Variants in DMP1 observed in about 807,000 individuals in gnomAD.
DMP1 encodes the protein dentin matrix protein 1.
A neutral mutation model predicts 14.6 loss-of-function variants in DMP1; 20 were observed. That is an observed-to-expected ratio of 1.37 (90% CI 0.96 to 1.99). The LOEUF (loss-of-function observed/expected upper bound fraction) is 1.99, where lower values mean the gene tolerates loss of function less well. DMP1 is among the 30% of genes most tolerant of loss of function. The pLI, the probability that DMP1 is intolerant of heterozygous loss-of-function variation, is 0.00. For synonymous variants in DMP1, 197 were observed against 215.3 expected (o/e 0.91, Z 0.75); for missense variants, 567 against 620.5 (o/e 0.91, Z 0.92).
chr4:87,663,279 A>G lies in DMP1; in HGVS notation c.1501A>G (p.Ile501Val), dbSNP rs1341717094. 1 of 1,614,220 alleles carries G rather than the reference A, an allele frequency of 6.2e-7. No homozygotes were observed. The highest frequency in any genetic ancestry group is 8.5e-7 in the Non-Finnish European group (1 of 1,180,022). ...AGTTGATGCCTATCACAACAAACCCATTGGGGACCAAGATGACAATGACTG... is the reference window on the plus strand; with the variant it reads ...AGTTGATGCCTATCACAACAAACCCGTTGGGGACCAAGATGACAATGACTG... ...LTVDAYHNKP[I>V]GDQDDNDCQD... Residue 501 changes from isoleucine to valine, a missense_variant, in exon 6 of 6, where the codon ATT becomes GTT. Ile to Val is a conservative substitution (Grantham distance 29). Transcript: ENST00000339673.
At chr4:87,652,984 AG>A in intron 1 of DMP1, among the ~76,000 whole-genome samples, 1 of 152,286 alleles carries the variant, frequency 6.6e-6, no homozygotes, top group South Asian at 2.1e-4. Context: ...TTTTTTAAAA[AG>A]TTTTGATTGT....
At chr4:87,652,038 TA>T (rs1728541652) in intron 1 of DMP1, among the ~76,000 whole-genome samples, 1 of 152,204 alleles carries the variant, frequency 6.6e-6, no homozygotes, top group Non-Finnish European at 1.5e-5. Flanking sequence ...CTCCACATTC[TA>T]AACATTTGGC....
Position 87,663,412 on chromosome 4 carries a change from C to T in DMP1, c.*92C>T. 6.3e-7 allele frequency: 1 copy of T among 1,583,758 alleles called. No individual in the cohort carries two copies. Among genetic ancestry groups the T allele is most frequent in the South Asian group, 1.1e-5 (1 of 89,700 alleles). On this transcript the variant is annotated 3_prime_UTR_variant, in exon 6 of 6. Transcript: ENST00000339673. The stretch of plus-strand genomic sequence containing the variant: ...AACTATAATTTATTGATGTTTTGAT[C>T]AAAAGAATAACCAGATGCCATATTT...
At position 87,659,246 on chromosome 4, in the gene DMP1, A is replaced by AGT. The variant is rs1380145586; in HGVS notation, c.129_130insGT (p.Pro44ValfsTer45). 1.9e-6 allele frequency: 3 copies of AGT among 1,613,878 alleles called. No individual in the cohort carries two copies. The highest frequency in any genetic ancestry group is 2.5e-6 in the Non-Finnish European group (3 of 1,179,958). On this transcript the variant is annotated frameshift_variant, in exon 4 of 6. Transcript: ENST00000339673. LOFTEE classifies it high-confidence loss of function. ...GTCATTTGGCTCAGGCACCAACACC[A>AGT]CCCTTGGTAACTATCTCATTTACTT...
At chr4:87,660,193 G>T (rs1361812512) in intron 5 of DMP1, among the ~76,000 whole-genome samples, 1 of 152,194 alleles carries the variant, frequency 6.6e-6, no homozygotes, top group Non-Finnish European at 1.5e-5. Flanking sequence ...GTTGGAAGAT[G>T]AATTATTAGC....
At position 87,662,044 on chromosome 4, in the gene DMP1, G is replaced by A. The variant is rs1462772455; in HGVS notation, c.266G>A (p.Gly89Asp). Residue 89 changes from glycine (G) to aspartate (D), a missense_variant, in exon 6 of 6, where the codon GGT becomes GAT. Coordinates refer to ENST00000339673, the MANE Select transcript of DMP1 (RefSeq NM_004407.4). ...DDHQYIYRLA[G>D]GFSRSTGKGG... ...CATCAATACATTTATAGGCTAGCTG[G>A]TGGCTTCTCCAGGAGCACAGGAAAA... 6.2e-7 allele frequency: 1 copy of A among 1,614,116 alleles called. No homozygotes were observed. Among genetic ancestry groups the A allele is most frequent in the African/African-American group, 1.3e-5 (1 of 74,932 alleles).
At chr4:87,661,698 T>C (rs1296473367) in intron 5 of DMP1, among the ~76,000 whole-genome samples, 1 of 150,898 alleles carries the variant, frequency 6.6e-6, no homozygotes, top group Non-Finnish European at 1.5e-5. Context: ...TTGAATTTCA[T>C]AAATGTGATT....
intron 5 of DMP1, 21 bp from the exon 6 acceptor site, chr4:87,661,941 T>C: frequency 6.2e-7 from 1 of 1,614,122 alleles, no homozygotes; most frequent in South Asian, 1.1e-5. Flanking sequence ...ACTGACCATA[T>C]CTGTTAACCC....
At chr4:87,656,645 C>T (rs1728706372) in intron 2 of DMP1, 99 bp downstream of exon 2, 2 of 835,710 alleles carry the variant, frequency 2.4e-6, no homozygotes, top group Admixed American at 1.7e-5. Context: ...ATGTTCCAGT[C>T]CAGTAAAAAT....
rs148543792 is a variant in DMP1, at chr4:87,662,090, C to T, written c.312C>T (p.Asp104=). 7.6e-4 allele frequency: 1,220 copies of T among 1,614,124 alleles called. 1 individual carries two copies. Among genetic ancestry groups the T allele is most frequent in the Middle Eastern group, 9.9e-4 (6 of 6,062 alleles). The change falls in exon 6 of 6, where the codon GAC becomes GAT. Residue 104 remains aspartate (D), a synonymous_variant. Transcript: ENST00000339673. Reference sequence around the variant, plus strand: ...GAAAAGGAGGAGATGATAAAGATGACGATGAAGATGACAGTGGAGATGACA... The same window carrying T: ...GAAAAGGAGGAGATGATAAAGATGATGATGAAGATGACAGTGGAGATGACA... The part of the protein sequence containing the change: ...STGKGGDDKD[D]DEDDSGDDTF...
chr4:87,654,189 A>G (rs941400226), intron 1 of DMP1, among the ~76,000 whole-genome samples: 1 of 152,182 alleles, frequency 6.6e-6, no homozygotes, highest in Non-Finnish European at 1.5e-5. Flanking sequence ...CTTTAAGGCC[A>G]GTTGTTACAC....
In DMP1 at chr4:87,662,297, G is replaced by C. The variant is rs1350578655; in HGVS notation, c.519G>C (p.Arg173=). 1 of 1,614,114 alleles carries C rather than the reference G, an allele frequency of 6.2e-7. No homozygotes were observed. Among genetic ancestry groups the C allele is most frequent in the Non-Finnish European group, 8.5e-7 (1 of 1,180,030 alleles). ...GCAGGGAACTTGACAATGAGGACCG[G>C]GTGGACAGCAAGCCTGAGGGAGGTG... The part of the protein sequence containing the change: ...SESRELDNED[R]VDSKPEGGDS... The change falls in exon 6 of 6, where the codon CGG becomes CGC. Residue 173 remains arginine (R), a synonymous_variant. Transcript: ENST00000339673.
intron 1 of DMP1, among the ~76,000 whole-genome samples, chr4:87,653,401 A>ATATATATAT: frequency 1.2e-5 from 1 of 83,830 alleles, no homozygotes; most frequent in Non-Finnish European, 2.2e-5. Flanking sequence ...ATATATATAT[A>ATATATATAT]TATATATATA....
intron 5 of DMP1, 48 bp from the exon 6 acceptor site, chr4:87,661,914 C>G (rs1482308049): frequency 6.2e-7 from 1 of 1,613,622 alleles, no homozygotes; most frequent in Admixed American, 1.7e-5. Flanking sequence ...AACTCCTTCT[C>G]TATCGGTTCC....
chr4:87,656,098 G>A (rs1728682606), intron 1 of DMP1, among the ~76,000 whole-genome samples: 1 of 152,148 alleles, frequency 6.6e-6, no homozygotes, highest in Non-Finnish European at 1.5e-5. Flanking sequence ...AAGAAATCCT[G>A]TACCCATTAG....
In DMP1 at chr4:87,661,245, C is replaced by T. The variant is rs1407797223; in HGVS notation, c.184-717C>T. Among the ~76,000 whole-genome samples, 6 of 96,092 alleles carry T rather than the reference C, an allele frequency of 6.2e-5. No homozygotes were observed. In the East Asian group the frequency reaches 1.2e-3, roughly 20 times the overall value. The allele number at this position is 96,092 out of a possible 152,430, so 63.0% of individuals were successfully genotyped here. On this transcript the variant is annotated intron_variant, in intron 5 of 5. Transcript: ENST00000339673. Reference sequence around the variant, plus strand: ...TTTTTTTTTTTTTTTTTTTTTGAGACGGAGTCTCGCTGTCGCCCAGGCTGG... The same window carrying T: ...TTTTTTTTTTTTTTTTTTTTTGAGATGGAGTCTCGCTGTCGCCCAGGCTGG...
intron 1 of DMP1, among the ~76,000 whole-genome samples, chr4:87,651,548 T>G (rs192142911): frequency 4.4e-4 from 67 of 152,240 alleles, no homozygotes; most frequent in Middle Eastern, 6.8e-3. Context: ...GGATTCTGGT[T>G]AATTTTATTA....
In DMP1 at chr4:87,663,612, A is replaced by G. The variant is rs1201439523; in HGVS notation, c.*292A>G. 6.5e-6 allele frequency: 3 copies of G among 458,512 alleles called. No homozygotes were observed. Among genetic ancestry groups the G allele is most frequent in the Non-Finnish European group, 1.2e-5 (3 of 250,162 alleles). The allele number at this position is 458,512 out of a possible 1,614,324, so 28.4% of individuals were successfully genotyped here. A position where few individuals can be genotyped will look rare whatever the true frequency, so the allele number is the denominator to read the frequency against. On this transcript the variant is annotated 3_prime_UTR_variant, in exon 6 of 6. Transcript: ENST00000339673. ...CCTAATTCATCAACGTAACAAACAA[A>G]GCTATTGGGTGTCCATGATATACCA...
rs1279569692 is a variant in DMP1, at chr4:87,663,773, A to T, written c.*453A>T. On this transcript the variant is annotated 3_prime_UTR_variant, in exon 6 of 6. Transcript: ENST00000339673. ...AGAGAAACAAGAATTGTTACAACCC[A>T]GTATGGTGAGTGCCAAGACAGAGAG... is the stretch of plus-strand genomic sequence containing the variant. The T allele has an allele frequency of 4.1e-6, 1 of 245,468 alleles. No individual in the cohort carries two copies. The highest frequency in any genetic ancestry group is 5.2e-5 in the Admixed American group (1 of 19,342). 15.2% of individuals were successfully genotyped at this position (245,468 alleles called of 1,614,324 possible). A position where few individuals can be genotyped will look rare whatever the true frequency, so the allele number is the denominator to read the frequency against.
Sources: gnomAD v4.1 joint callset for allele counts (sites outside exome capture counted in the v4.1 genomes callset) on GRCh38, gnomAD v4.1.1 for gene constraint, MANE v1.5 for transcripts, NCBI Gene and HGNC (gene_info 2026-07-23, HGNC 2026-07-21) for gene names.